The following OPCML variants were observed in gnomAD, a reference collection of about 807,000 sequenced individuals.
The protein encoded by OPCML is opioid binding protein/cell adhesion molecule like, also known as opioid-binding protein/cell adhesion molecule.
OPCML carries 13 observed loss-of-function variants against 37.8 expected under a neutral mutation model. That is an observed-to-expected ratio of 0.34 (90% CI 0.22 to 0.55). OPCML has a LOEUF of 0.55. Among genes scored for constraint, OPCML ranks in the 20% least tolerant of loss-of-function variants. The pLI is 0.91. For synonymous variants in OPCML, 176 were observed against 168.8 expected, an observed-to-expected ratio of 1.04 and a Z score of -0.33; for missense variants, 341 against 435.6, an observed-to-expected ratio of 0.78 and a Z score of 1.93.
At chr11:133,424,575 C>T (rs1945961679) in intron 1 of OPCML, among the ~76,000 whole-genome samples, 1 of 152,058 alleles carries the variant, frequency 6.6e-6, no homozygotes, top group Admixed American at 6.5e-5. Context: ...ACACAGTGTC[C>T]CATCCTGTGG....
chr11:132,743,427 C>T (rs1945504395), intron 2 of OPCML, among the ~76,000 whole-genome samples: 1 of 152,082 alleles, frequency 6.6e-6, no homozygotes, highest in Admixed American at 6.6e-5. Context: ...AGAAACCCTC[C>T]AGGAAGGAAG....
At chr11:132,708,019 T>C (rs1370265238) in intron 2 of OPCML, among the ~76,000 whole-genome samples, 1 of 152,170 alleles carries the variant, frequency 6.6e-6, no homozygotes, top group Admixed American at 6.6e-5. Context: ...TTCAGAATGA[T>C]AAAAACTACA....
chr11:133,177,027 C>T lies in OPCML; in HGVS notation c.62-234017G>A, dbSNP rs1294198922. ...GCTCAGCTCCTCCTGTGCCATCATCCTGCCAGCGGGACCCTGGCAACACCA... is the reference window on the plus strand; with the variant it reads ...GCTCAGCTCCTCCTGTGCCATCATCTTGCCAGCGGGACCCTGGCAACACCA... On this transcript the variant is annotated intron_variant, in intron 1 of 7. Transcript: ENST00000524381. This position sits in a 1 kb window ranked among gnomAD's most constrained non-coding sequence, Gnocchi z 5.0. 6.6e-6 allele frequency among the ~76,000 whole-genome samples: 1 copy of T among 152,220 alleles called. No homozygotes were observed. Among genetic ancestry groups the T allele is most frequent in the African/African-American group, 2.4e-5 (1 of 41,464 alleles).
At chr11:132,732,800 G>C (rs58776852) in intron 2 of OPCML, among the ~76,000 whole-genome samples, 10,212 of 152,200 alleles carry the variant, frequency 0.067, 1,067 homozygotes, top group African/African-American at 0.22. Flanking sequence ...GACACAGGTT[G>C]AAATATGTCC....
intron 1 of OPCML, among the ~76,000 whole-genome samples, chr11:133,193,946 T>C (rs538883562): frequency 6.6e-6 from 1 of 152,246 alleles, no homozygotes; most frequent in Non-Finnish European, 1.5e-5. Context: ...CTTAGAACAA[T>C]ACAAGCTATT....
At chr11:133,080,070 C>T (rs571902897) in intron 1 of OPCML, among the ~76,000 whole-genome samples, 57 of 152,280 alleles carry the variant, frequency 3.7e-4, no homozygotes, top group African/African-American at 1.3e-3. Flanking sequence ...AAGAAAACTC[C>T]TTATGGTCTA....
chr11:132,744,970 T>A (rs1470362752), intron 2 of OPCML, among the ~76,000 whole-genome samples: 1 of 151,818 alleles, frequency 6.6e-6, no homozygotes, highest in Non-Finnish European at 1.5e-5. Flanking sequence ...AGCTCCTAAA[T>A]ATTCGGGATA....
intron 2 of OPCML, among the ~76,000 whole-genome samples, chr11:132,821,062 C>G (rs1939958343): frequency 1.3e-5 from 2 of 152,196 alleles, no homozygotes; most frequent in South Asian, 4.1e-4. Flanking sequence ...AAAGCCTTCT[C>G]TGGTTAGAGG....
chr11:133,293,958 A>G (rs1253340300), intron 1 of OPCML, among the ~76,000 whole-genome samples: 1 of 151,824 alleles, frequency 6.6e-6, no homozygotes, highest in Non-Finnish European at 1.5e-5. Context: ...ATGGTTTACA[A>G]AGAAGAAAAA....
chr11:132,466,622 G>T (rs1313532227), intron 4 of OPCML, among the ~76,000 whole-genome samples: 1 of 152,214 alleles, frequency 6.6e-6, no homozygotes, highest in Non-Finnish European at 1.5e-5. Context: ...AGCCTGGGCA[G>T]TCCAAGATTT....
intron 2 of OPCML, among the ~76,000 whole-genome samples, chr11:132,723,613 A>G (rs150428216): frequency 5.4e-4 from 83 of 152,310 alleles, no homozygotes; most frequent in African/African-American, 2.0e-3. Context: ...CCTATATTTC[A>G]TCCCCTATTA....
intron 1 of OPCML, among the ~76,000 whole-genome samples, chr11:133,333,209 C>T (rs565250370): frequency 3.3e-5 from 5 of 152,130 alleles, no homozygotes; most frequent in Admixed American, 6.5e-5. Flanking sequence ...CAGGCACCCA[C>T]CACCATGCCC....
At chr11:132,498,758 A>G (rs2508933) in intron 4 of OPCML, among the ~76,000 whole-genome samples, 35,475 of 146,164 alleles carry the variant, frequency 0.24, 4,978 homozygotes, top group East Asian at 0.63. Context: ...GCTCTTAGGC[A>G]TATAGGACCC....
At chr11:133,041,325 G>A (rs1947892376) in intron 1 of OPCML, among the ~76,000 whole-genome samples, 2 of 152,184 alleles carry the variant, frequency 1.3e-5, no homozygotes, top group South Asian at 4.1e-4. Flanking sequence ...CTTCGGTGAT[G>A]GCATCATGTT....
rs530725776 is a variant in OPCML, at chr11:132,681,128, C to T, written c.147-23809G>A. 3.3e-3 allele frequency among the ~76,000 whole-genome samples: 504 copies of T among 152,270 alleles called. 4 individuals are homozygous for T. The highest frequency in any genetic ancestry group is 0.021 in the South Asian group (100 of 4,822). On this transcript the variant is annotated intron_variant, in intron 2 of 7. Transcript: ENST00000524381. ...TGTTTTGACACTGCAGGACTTGTCT[C>T]CAAAATCTCATTTTCTGATAGTGAT...
intron 1 of OPCML, among the ~76,000 whole-genome samples, chr11:133,080,478 T>G (rs886661821): frequency 3.4e-5 from 5 of 145,230 alleles, no homozygotes; most frequent in Non-Finnish European, 6.0e-5. Context: ...TCAAATGTTT[T>G]TTTTTTTTTT....
At chr11:133,061,494 T>C (rs917030223) in intron 1 of OPCML, among the ~76,000 whole-genome samples, 2 of 152,192 alleles carry the variant, frequency 1.3e-5, no homozygotes, top group Non-Finnish European at 2.9e-5. Flanking sequence ...TAAATTGCAT[T>C]CACCATAATA....
At chr11:133,444,543 C>CA (rs376511019) in intron 1 of OPCML, among the ~76,000 whole-genome samples, 281 of 151,720 alleles carry the variant, frequency 1.9e-3, no homozygotes, top group African/African-American at 6.5e-3. Context: ...TCCCACAGAA[C>CA]AAAAAAATAA....
chr11:132,994,038 C>T (rs1232119821), intron 1 of OPCML, among the ~76,000 whole-genome samples: 1 of 152,236 alleles, frequency 6.6e-6, no homozygotes, highest in Non-Finnish European at 1.5e-5. Flanking sequence ...CAAGCTGTCC[C>T]CATCCAGTGA....
Sources: allele counts gnomAD v4.1 joint callset (sites outside exome capture counted in the v4.1 genomes callset), GRCh38; gene constraint gnomAD v4.1.1; non-coding constraint Gnocchi (gnomAD v3.1); transcripts MANE v1.5; gene names NCBI Gene and HGNC (gene_info 2026-07-23, HGNC 2026-07-21).